The following PAPPA2 variants were observed in gnomAD, a reference collection of about 807,000 sequenced individuals.
PAPPA2 encodes the protein pappalysin-2.
Under a neutral mutation model 176.4 loss-of-function variants are expected in PAPPA2, and 86 were observed. The observed-to-expected ratio is 0.49, with a 90% CI of 0.41 to 0.58. The LOEUF (loss-of-function observed/expected upper bound fraction) is 0.58. PAPPA2 is among the 20% of genes least tolerant of loss of function. The pLI is 0.00. For synonymous variants in PAPPA2, 809 were observed against 852.2 expected (o/e 0.95, Z 0.88); for missense variants, 2,073 against 2,256.9 (o/e 0.92, Z 1.65).
In PAPPA2 at chr1:176,793,586, A is replaced by T; in HGVS notation, c.5047A>T (p.Ile1683Phe). The change falls in exon 20 of 23, where the codon ATC becomes TTC. Residue 1683 changes from isoleucine (I) to phenylalanine (F), a missense_variant. Transcript: ENST00000367662. Reference sequence around the variant, plus strand: ...TGCAGTGTGTTCCCCATTGTGTGTAATCCCCCCCAGTGACCCCGTGATGCT... The same window carrying T: ...TGCAGTGTGTTCCCCATTGTGTGTATTCCCCCCCAGTGACCCCGTGATGCT... ...IGAVCSPLCV[I>F]PPSDPVMLPE... The T allele has an allele frequency of 6.2e-7, 1 of 1,612,880 alleles. No homozygotes were observed. The highest frequency in any genetic ancestry group is 8.5e-7 in the Non-Finnish European group (1 of 1,179,084).
chr1:176,539,027 G>A (rs2102563119), intron 1 of PAPPA2, among the ~76,000 whole-genome samples: 1 of 152,294 alleles, frequency 6.6e-6, no homozygotes, highest in African/African-American at 2.4e-5. Context: ...CTGGTTCTAA[G>A]GCTCACATAC....
intron 12 of PAPPA2, among the ~76,000 whole-genome samples, chr1:176,731,341 C>A (rs999642103): frequency 2.6e-5 from 4 of 151,920 alleles, no homozygotes; most frequent in African/African-American, 7.3e-5. Flanking sequence ...ACTTTGTTGC[C>A]CAGGTTGGAG....
At chr1:176,837,791 C>T (rs935585333) in intron 21 of PAPPA2, among the ~76,000 whole-genome samples, 3 of 152,142 alleles carry the variant, frequency 2.0e-5, no homozygotes, top group Non-Finnish European at 4.4e-5. Context: ...ATTTTCTAGT[C>T]TATATCCAGT....
chr1:176,662,487 T>C (rs532214918), intron 3 of PAPPA2, among the ~76,000 whole-genome samples: 2 of 152,234 alleles, frequency 1.3e-5, no homozygotes, highest in East Asian at 3.9e-4. Flanking sequence ...TTATATTCTA[T>C]TTTGATCAAT....
intron 3 of PAPPA2, among the ~76,000 whole-genome samples, chr1:176,627,153 C>A (rs1452089975): frequency 6.6e-6 from 1 of 152,012 alleles, no homozygotes; most frequent in East Asian, 1.9e-4. Flanking sequence ...CATCTAGCTA[C>A]CAAGAAGGTG....
At chr1:176,748,361 G>A (rs1301772878) in intron 14 of PAPPA2, among the ~76,000 whole-genome samples, 1 of 152,162 alleles carries the variant, frequency 6.6e-6, no homozygotes, top group Admixed American at 6.6e-5. Context: ...CCAAGAGTAA[G>A]GTCTTTTCAT....
At chr1:176,752,866 G>T (rs1445172220) in intron 14 of PAPPA2, among the ~76,000 whole-genome samples, 2 of 152,332 alleles carry the variant, frequency 1.3e-5, no homozygotes, top group East Asian at 3.9e-4. Context: ...CACGAAAGAT[G>T]TCTTTAGCCT....
intron 3 of PAPPA2, among the ~76,000 whole-genome samples, chr1:176,657,885 G>A (rs1476681350): frequency 6.6e-6 from 1 of 151,944 alleles, no homozygotes; most frequent in Admixed American, 6.6e-5. Flanking sequence ...TCTACAGCAG[G>A]ATAATATCAG....
intron 1 of PAPPA2, among the ~76,000 whole-genome samples, chr1:176,526,572 A>G (rs1297762024): frequency 2.0e-5 from 3 of 152,202 alleles, no homozygotes; most frequent in Non-Finnish European, 4.4e-5. Flanking sequence ...CCCTCAGTAG[A>G]TGATCTTGTG....
chr1:176,780,838 A>C (rs1012951739), intron 17 of PAPPA2, among the ~76,000 whole-genome samples: 3 of 152,208 alleles, frequency 2.0e-5, no homozygotes, highest in African/African-American at 7.2e-5. Flanking sequence ...TTTCAAGTCC[A>C]GTTCACCCCT....
chr1:176,620,320 T>C (rs935162950), intron 3 of PAPPA2, among the ~76,000 whole-genome samples: 7 of 152,140 alleles, frequency 4.6e-5, no homozygotes, highest in Non-Finnish European at 8.8e-5. Flanking sequence ...ATTTAGACCA[T>C]AGAGAATTTG....
At chr1:176,510,255 A>G (rs1172353955) in intron 1 of PAPPA2, among the ~76,000 whole-genome samples, 1 of 152,222 alleles carries the variant, frequency 6.6e-6, no homozygotes, top group Non-Finnish European at 1.5e-5. Context: ...GGTGGGGAAC[A>G]TGTTATGAAC....
At chr1:176,583,990 G>A (rs1027440122) in intron 2 of PAPPA2, among the ~76,000 whole-genome samples, 3 of 152,158 alleles carry the variant, frequency 2.0e-5, no homozygotes, top group Admixed American at 1.3e-4. Context: ...AGGGAGTTGA[G>A]GCTGTACTGC....
At chr1:176,767,903 C>T (rs867063761) in intron 15 of PAPPA2, among the ~76,000 whole-genome samples, 5 of 152,262 alleles carry the variant, frequency 3.3e-5, no homozygotes, top group South Asian at 2.1e-4. Context: ...ACGCAAGAAC[C>T]GAAACTAAAC....
rs185252712 is a variant in PAPPA2 at position 176,657,782 on chromosome 1, A to T, written c.1992-13188A>T. Among the ~76,000 whole-genome samples the T allele has an allele frequency of 3.9e-5, 6 of 152,074 alleles. No individual in the cohort carries two copies. The East Asian group carries it at 1.2e-3, about 30-fold the overall frequency. On this transcript the variant is annotated intron_variant, in intron 3 of 22. Transcript: ENST00000367662. Reference sequence around the variant, plus strand: ...TCTGTGTGGTTATGTAGATCTGAGTATCATGTAAATTTAGAAAATATTAAC... The same window carrying T: ...TCTGTGTGGTTATGTAGATCTGAGTTTCATGTAAATTTAGAAAATATTAAC...
intron 1 of PAPPA2, among the ~76,000 whole-genome samples, chr1:176,543,963 A>C (rs979125076): frequency 6.6e-6 from 1 of 152,176 alleles, no homozygotes. Flanking sequence ...GAGTCACTGA[A>C]TCACCACTCA....
At chr1:176,476,167 G>A (rs1214911039) in intron 1 of PAPPA2, among the ~76,000 whole-genome samples, 2 of 152,158 alleles carry the variant, frequency 1.3e-5, no homozygotes, top group Non-Finnish European at 2.9e-5. Flanking sequence ...TGAAAATCCA[G>A]TCTCAAGAAA....
At chr1:176,751,277 G>C (rs532479005) in intron 14 of PAPPA2, among the ~76,000 whole-genome samples, 1 of 151,762 alleles carries the variant, frequency 6.6e-6, no homozygotes, top group Non-Finnish European at 1.5e-5. Flanking sequence ...GGACATAGGC[G>C]TGGGCAAGGA....
At chr1:176,657,287 C>G (rs1432263794) in intron 3 of PAPPA2, among the ~76,000 whole-genome samples, 2 of 151,868 alleles carry the variant, frequency 1.3e-5, no homozygotes, top group Non-Finnish European at 2.9e-5. Context: ...GGTCCAAAAG[C>G]CCAGTGGCCC....
Sources: gnomAD v4.1 joint callset for allele counts (sites outside exome capture counted in the v4.1 genomes callset) on GRCh38, gnomAD v4.1.1 for gene constraint, MANE v1.5 for transcripts, NCBI Gene and HGNC (gene_info 2026-07-23, HGNC 2026-07-21) for gene names.